Variants in LTBP1 observed in about 807,000 individuals in gnomAD.
The protein encoded by LTBP1 is latent transforming growth factor beta binding protein 1.
LTBP1 carries 129 observed loss-of-function variants against 207.6 expected under a neutral mutation model. The observed-to-expected ratio is 0.62, with a 90% CI of 0.54 to 0.72. The LOEUF (loss-of-function observed/expected upper bound fraction) is 0.72, where lower values mean the gene tolerates loss of function less well. Among genes scored for constraint, LTBP1 ranks in the 30% least tolerant of loss-of-function variants. LTBP1 has a pLI of 0.00. For synonymous variants in LTBP1, 963 were observed against 833.7 expected (o/e 1.16, Z -2.67); for missense variants, 2,281 against 2,217.2 (o/e 1.03, Z -0.58).
At chr2:33,123,178 T>C (rs1019872124) in intron 4 of LTBP1, among the ~76,000 whole-genome samples, 3 of 152,178 alleles carry the variant, frequency 2.0e-5, no homozygotes, top group Non-Finnish European at 4.4e-5. Context: ...ACTTGGAGAA[T>C]TGTTCTGCCT....
intron 3 of LTBP1, among the ~76,000 whole-genome samples, chr2:33,074,852 A>G (rs1051386800): frequency 6.8e-6 from 1 of 147,680 alleles, no homozygotes; most frequent in African/African-American, 2.5e-5. Flanking sequence ...CCTGGGCAAC[A>G]GAGCGAGACT....
chr2:33,023,213 T>C lies in LTBP1; in HGVS notation c.863+2007T>C, dbSNP rs116604942. Among the ~76,000 whole-genome samples, 736 of 152,292 alleles carry C rather than the reference T, an allele frequency of 4.8e-3. 1 individual carries two copies. Among genetic ancestry groups the C allele is most frequent in the Non-Finnish European group, 7.1e-3 (481 of 68,022 alleles). On this transcript the variant is annotated intron_variant, in intron 3 of 33. Coordinates refer to ENST00000404816, the MANE Select transcript of LTBP1 (RefSeq NM_206943.4). Reference sequence around the variant, plus strand: ...TCAGATTACTGTGAATTGCAATTAGTTTTTTCTAGCATTATGACTTACATA... The same window carrying C: ...TCAGATTACTGTGAATTGCAATTAGCTTTTTCTAGCATTATGACTTACATA...
intron 32 of LTBP1, among the ~76,000 whole-genome samples, chr2:33,390,880 G>A (rs185833767): frequency 2.1e-3 from 316 of 152,146 alleles, no homozygotes; most frequent in African/African-American, 6.5e-3. Context: ...TTCTGTCCTG[G>A]GCCCTGTCAC....
At chr2:33,094,820 G>A (rs1198201665) in intron 3 of LTBP1, among the ~76,000 whole-genome samples, 1 of 152,122 alleles carries the variant, frequency 6.6e-6, no homozygotes, top group African/African-American at 2.4e-5. Flanking sequence ...CTGAGCTAAT[G>A]TGCAAGGTAA....
chr2:32,963,734 T>C (rs1289145043), intron 2 of LTBP1, among the ~76,000 whole-genome samples: 1 of 152,172 alleles, frequency 6.6e-6, no homozygotes, highest in Admixed American at 6.5e-5. Flanking sequence ...ACAGAACCCC[T>C]GTGGGATGCG....
chr2:33,318,902 C>T (rs2094312459), intron 24 of LTBP1, among the ~76,000 whole-genome samples: 1 of 152,128 alleles, frequency 6.6e-6, no homozygotes, highest in Non-Finnish European at 1.5e-5. Context: ...ATCATCAAGC[C>T]TGGGCAACAT....
chr2:33,171,540 C>G (rs573941249), intron 5 of LTBP1, among the ~76,000 whole-genome samples: 2,184 of 150,984 alleles, frequency 0.014, 18 homozygotes, highest in East Asian at 0.026. Context: ...ATTGGTGTAC[C>G]TGAAAGTGAC....
chr2:33,361,702 C>G (rs1349860798), intron 28 of LTBP1, among the ~76,000 whole-genome samples, 187 bp downstream of exon 28: 1 of 152,188 alleles, frequency 6.6e-6, no homozygotes, highest in African/African-American at 2.4e-5. Context: ...CTGTATGATG[C>G]TCGGAGTTTG....
Position 32,947,101 on chromosome 2 carries a change from C to A in LTBP1, c.-224C>A, listed in dbSNP as rs1676289161. 6.0e-6 allele frequency: 2 copies of A among 334,240 alleles called. No homozygotes were observed. Among genetic ancestry groups the A allele is most frequent in the Non-Finnish European group, 1.1e-5 (2 of 186,062 alleles). The allele number at this position is 334,240 out of a possible 1,614,324, so 20.7% of individuals were successfully genotyped here. A position where few individuals can be genotyped will look rare whatever the true frequency, so the allele number is the denominator to read the frequency against. ...CCCCGCTCCCCGGGCTCCGCGCTCC[C>A]CACCCCCACGCCCTCCTCCTGCTCC... On this transcript the variant is annotated 5_prime_UTR_variant, in exon 1 of 34. Coordinates refer to ENST00000404816, the MANE Select transcript of LTBP1 (RefSeq NM_206943.4).
At chr2:33,338,367 T>C (rs2094576841) in intron 24 of LTBP1, among the ~76,000 whole-genome samples, 1 of 152,196 alleles carries the variant, frequency 6.6e-6, no homozygotes, top group Non-Finnish European at 1.5e-5. Context: ...TCTGCTATAA[T>C]TGCATAGAAT....
At chr2:33,034,138 C>T (rs749263758) in intron 3 of LTBP1, among the ~76,000 whole-genome samples, 5 of 151,198 alleles carry the variant, frequency 3.3e-5, no homozygotes, top group Admixed American at 1.3e-4. Context: ...TCCTTAGCAG[C>T]GTTCTGGATT....
intron 5 of LTBP1, among the ~76,000 whole-genome samples, chr2:33,150,611 C>T (rs528147563): frequency 6.6e-6 from 1 of 151,148 alleles, no homozygotes; most frequent in Admixed American, 6.6e-5. Flanking sequence ...TACTTTCTGT[C>T]TCTATGAATT....
intron 2 of LTBP1, among the ~76,000 whole-genome samples, chr2:32,979,906 T>C (rs1682496491): frequency 6.6e-6 from 1 of 152,214 alleles, no homozygotes; most frequent in South Asian, 2.1e-4. Context: ...ATTCTCTTGC[T>C]TTATATCCCT....
intron 2 of LTBP1, among the ~76,000 whole-genome samples, chr2:32,984,624 G>A (rs1010604955): frequency 6.6e-6 from 1 of 152,154 alleles, no homozygotes; most frequent in Non-Finnish European, 1.5e-5. Flanking sequence ...TACAAAAAGA[G>A]TGAAAAACAA....
intron 15 of LTBP1, 36 bp from the exon 16 acceptor site, chr2:33,273,620 G>A (rs1320543025): frequency 1.3e-6 from 2 of 1,549,090 alleles, no homozygotes; most frequent in Non-Finnish European, 8.8e-7. Context: ...GTTCATTTCT[G>A]TGGGTTTTTT....
chr2:33,314,422 T>C (rs2094234855), intron 23 of LTBP1, among the ~76,000 whole-genome samples: 1 of 152,066 alleles, frequency 6.6e-6, no homozygotes, highest in South Asian at 2.1e-4. Flanking sequence ...ATGGGGCCAG[T>C]ACCTTAGTGC....
intron 20 of LTBP1, among the ~76,000 whole-genome samples, chr2:33,295,934 CAACAGTG>C (rs1478841373): frequency 6.6e-6 from 1 of 152,164 alleles, no homozygotes; most frequent in Non-Finnish European, 1.5e-5. Flanking sequence ...TACAACAGAG[CAACAGTG>C]GATCTTGGCC....
rs543275326 is a variant in LTBP1 at position 33,293,956 on chromosome 2, A to C, written c.3235+674A>C. On this transcript the variant is annotated intron_variant, in intron 20 of 33. Coordinates refer to ENST00000404816, the MANE Select transcript of LTBP1 (RefSeq NM_206943.4). ...TCTTTAGGTATTGAACAAACAAAAA[A>C]TTTTCAGCTTCTCATTAGTGAACAA... Among the ~76,000 whole-genome samples the C allele has an allele frequency of 1.6e-3, 192 of 122,024 alleles. 2 individuals are homozygous for C. The highest frequency in any genetic ancestry group is 6.2e-4 in the Non-Finnish European group (36 of 58,208). 80.1% of individuals were successfully genotyped at this position (122,024 alleles called of 152,430 possible).
chr2:33,279,090 A>C (rs372456099), intron 18 of LTBP1, among the ~76,000 whole-genome samples: 1 of 152,190 alleles, frequency 6.6e-6, no homozygotes, highest in East Asian at 1.9e-4. Flanking sequence ...AAATCCGTTT[A>C]TATTTTAAGT....
Sources: gnomAD v4.1 joint callset for allele counts (sites outside exome capture counted in the v4.1 genomes callset) on GRCh38, gnomAD v4.1.1 for gene constraint, MANE v1.5 for transcripts, NCBI Gene and HGNC (gene_info 2026-07-23, HGNC 2026-07-21) for gene names.